Variants in ROR1 observed in about 807,000 individuals in gnomAD.
The protein encoded by ROR1 is ROR family WNT receptor 1.
ROR1 carries 19 observed loss-of-function variants against 78.8 expected under a neutral mutation model. That is an observed-to-expected ratio of 0.24 (90% CI 0.17 to 0.35). The LOEUF is 0.35. Ranked by LOEUF, ROR1 falls within the 10% of genes least tolerant of loss-of-function variation. The probability of loss-of-function intolerance (pLI) is 1.00; values close to 1 mark genes in which losing one functional copy is unlikely to be tolerated. For synonymous variants in ROR1, 386 were observed against 433.6 expected (o/e 0.89, Z 1.36); for missense variants, 917 against 1,177.8 (o/e 0.78, Z 3.24).
chr1:63,894,115 G>A (rs116070291), intron 1 of ROR1, among the ~76,000 whole-genome samples: 2 of 152,014 alleles, frequency 1.3e-5, no homozygotes, highest in East Asian at 1.9e-4. Flanking sequence ...TGTGGCAGTC[G>A]ATCTGATCAC....
At chr1:63,814,248 C>G (rs977619020) in intron 1 of ROR1, among the ~76,000 whole-genome samples, 1 of 152,204 alleles carries the variant, frequency 6.6e-6, no homozygotes, top group South Asian at 2.1e-4. Context: ...TCATCAAAAT[C>G]TCAGACTGGA....
intron 4 of ROR1, among the ~76,000 whole-genome samples, chr1:64,077,988 G>A (rs1231247608): frequency 3.9e-5 from 6 of 152,136 alleles, no homozygotes; most frequent in Admixed American, 2.0e-4. Flanking sequence ...TAACTCTCTG[G>A]TGTACTGGCA....
chr1:63,840,090 C>A (rs149320531), intron 1 of ROR1, among the ~76,000 whole-genome samples: 149 of 152,056 alleles, frequency 9.8e-4, no homozygotes, highest in African/African-American at 3.5e-3. Context: ...CATAAAGGTG[C>A]CTCAGAGCTT....
chr1:64,158,150 C>A (rs920422414), intron 7 of ROR1, among the ~76,000 whole-genome samples: 5 of 152,140 alleles, frequency 3.3e-5, no homozygotes, highest in Non-Finnish European at 2.9e-5. Flanking sequence ...TCGTGTTCTA[C>A]ACATATTATA....
At chr1:63,923,239 C>T (rs1645672474) in intron 1 of ROR1, among the ~76,000 whole-genome samples, 1 of 152,200 alleles carries the variant, frequency 6.6e-6, no homozygotes. Flanking sequence ...TTTCTGCAAA[C>T]TTCCTTGTAA....
At chr1:64,143,672 G>A (rs1057402807) in intron 7 of ROR1, among the ~76,000 whole-genome samples, 2 of 152,176 alleles carry the variant, frequency 1.3e-5, no homozygotes, top group Admixed American at 6.5e-5. Flanking sequence ...TTACTCATCC[G>A]AGCATGGGGA....
At chr1:63,875,767 G>T (rs147878681) in intron 1 of ROR1, among the ~76,000 whole-genome samples, 1 of 152,208 alleles carries the variant, frequency 6.6e-6, no homozygotes, top group Non-Finnish European at 1.5e-5. Context: ...GAATAAATAG[G>T]CTTCCTTGAT....
chr1:63,983,371 G>A (rs74078170), intron 1 of ROR1, among the ~76,000 whole-genome samples: 10,397 of 152,246 alleles, frequency 0.068, 426 homozygotes, highest in Middle Eastern at 0.095. Context: ...TCTTGAGAAT[G>A]GGGAGGACTG....
intron 4 of ROR1, chr1:64,113,762 A>G (rs776863938): frequency 6.6e-6 from 1 of 151,342 alleles, no homozygotes; most frequent in Admixed American, 6.6e-5. Context: ...CCAGGTACCA[A>G]TTTATTCTGG....
At chr1:63,933,921 C>T (rs899457873) in intron 1 of ROR1, among the ~76,000 whole-genome samples, 1 of 152,158 alleles carries the variant, frequency 6.6e-6, no homozygotes, top group Non-Finnish European at 1.5e-5. Flanking sequence ...AGCTTCTGCA[C>T]AATGAGCCAC....
At chr1:63,920,020 T>A (rs1466486600) in intron 1 of ROR1, among the ~76,000 whole-genome samples, 1 of 152,206 alleles carries the variant, frequency 6.6e-6, no homozygotes, top group Non-Finnish European at 1.5e-5. Flanking sequence ...AGAAATGCAG[T>A]TATTTTTATT....
chr1:64,110,903 TAATTTCTG>T (rs1326090653), intron 4 of ROR1: 2 of 152,010 alleles, frequency 1.3e-5, no homozygotes, highest in African/African-American at 2.4e-5. Flanking sequence ...TGAGCCCAGG[TAATTTCTG>T]AATTTCTGAT....
At chr1:64,148,319 T>G (rs1049022630) in intron 7 of ROR1, among the ~76,000 whole-genome samples, 9 of 152,126 alleles carry the variant, frequency 5.9e-5, no homozygotes, top group Admixed American at 4.6e-4. Flanking sequence ...GGTTTATGCA[T>G]GTATGTTGTG....
intron 1 of ROR1, among the ~76,000 whole-genome samples, chr1:63,909,377 GAAGAA>G (rs1317781967): frequency 6.6e-6 from 1 of 152,192 alleles, no homozygotes; most frequent in African/African-American, 2.4e-5. Flanking sequence ...GTATGCACTT[GAAGAA>G]AAGTAGTATA....
intron 1 of ROR1, among the ~76,000 whole-genome samples, chr1:63,957,362 C>G (rs1378187804): frequency 6.6e-6 from 1 of 152,210 alleles, no homozygotes; most frequent in Non-Finnish European, 1.5e-5. Context: ...GCAGCTTTCT[C>G]TTAACAAACA....
At chr1:64,079,215 T>C (rs1230058950) in intron 4 of ROR1, among the ~76,000 whole-genome samples, 1 of 152,174 alleles carries the variant, frequency 6.6e-6, no homozygotes, top group Non-Finnish European at 1.5e-5. Context: ...TAAGTAAGTG[T>C]ACATTAAAAA....
At chr1:63,984,667 T>G (rs1028890137) in intron 1 of ROR1, among the ~76,000 whole-genome samples, 2 of 152,148 alleles carry the variant, frequency 1.3e-5, no homozygotes, top group Non-Finnish European at 2.9e-5. Flanking sequence ...TAGAAGTTGA[T>G]TTGGGGATGC....
At chr1:63,994,158 T>C (rs2100525105) in intron 1 of ROR1, among the ~76,000 whole-genome samples, 1 of 152,326 alleles carries the variant, frequency 6.6e-6, no homozygotes, top group African/African-American at 2.4e-5. Context: ...ATCTGTAAAT[T>C]GTGCACTCAT....
At chr1:64,053,441 C>T (rs568004223) in intron 4 of ROR1, among the ~76,000 whole-genome samples, 1 of 152,262 alleles carries the variant, frequency 6.6e-6, no homozygotes, top group East Asian at 1.9e-4. Flanking sequence ...TAGGAACAAG[C>T]TTGATATTTT....
Sources: gnomAD v4.1 joint callset for allele counts (sites outside exome capture counted in the v4.1 genomes callset) on GRCh38, gnomAD v4.1.1 for gene constraint, MANE v1.5 for transcripts, NCBI Gene and HGNC (gene_info 2026-07-23, HGNC 2026-07-21) for gene names.